The following TRIM16 variants were observed in gnomAD, a reference collection of about 807,000 sequenced individuals.
TRIM16 encodes the protein tripartite motif containing 16.
Under a neutral mutation model 50.4 loss-of-function variants are expected in TRIM16, and 33 were observed. The ratio of observed to expected loss-of-function variants is 0.65; its 90% CI spans 0.50 to 0.88. TRIM16 has a LOEUF of 0.88. Among genes scored for constraint, TRIM16 ranks in the 40% least tolerant of loss-of-function variants. TRIM16 has a pLI of 0.00. For missense variants in TRIM16, 581 were observed against 686.8 expected (o/e 0.85, Z 1.72); for synonymous variants, 229 against 270.7 (o/e 0.85, Z 1.51).
At chr17:15,664,307 A>G (rs144234330) in intron 6 of TRIM16, among the ~76,000 whole-genome samples, 9 of 152,326 alleles carry the variant, frequency 5.9e-5, no homozygotes, top group Admixed American at 3.3e-4. Context: ...AAGCTGAAAA[A>G]GTATGAATCT....
intron 6 of TRIM16, among the ~76,000 whole-genome samples, chr17:15,659,376 TA>T (rs1988119083): frequency 6.6e-6 from 1 of 152,140 alleles, no homozygotes; most frequent in Admixed American, 6.5e-5. Context: ...GGGCCAGAAT[TA>T]GCAGCTAGAC....
chr17:15,679,963 A>G (rs1989117479), intron 4 of TRIM16, among the ~76,000 whole-genome samples: 1 of 151,874 alleles, frequency 6.6e-6, no homozygotes, highest in South Asian at 2.1e-4. Context: ...AAAAAAAGAA[A>G]TAAGCCAAGC....
Position 15,628,610 on chromosome 17 carries a change from G to A in TRIM16, c.*5C>T, listed in dbSNP as rs1269100339. The A allele has an allele frequency of 6.3e-6, 10 of 1,590,292 alleles. No individual in the cohort carries two copies. The highest frequency in any genetic ancestry group is 7.7e-6 in the Non-Finnish European group (9 of 1,165,818). On this transcript the variant is annotated 3_prime_UTR_variant, in exon 12 of 12. Transcript: ENST00000649191. ...GGCAAAGGTCTGGGATATGGCTCCT[G>A]GAGTCTAGGGAGCAGTCCCCACCAA...
At chr17:15,654,508 C>A (rs1022035837) in intron 6 of TRIM16, 1 of 152,142 alleles carries the variant, frequency 6.6e-6, no homozygotes, top group Non-Finnish European at 1.5e-5. Flanking sequence ...CCCAATTCCC[C>A]CTGAGGAAGA....
intron 6 of TRIM16, among the ~76,000 whole-genome samples, chr17:15,652,896 T>A (rs181455195): frequency 3.9e-5 from 6 of 152,294 alleles, no homozygotes; most frequent in Admixed American, 3.9e-4. Flanking sequence ...CTTGTCTCCT[T>A]CCACAGAATG....
At chr17:15,652,150 C>CT (rs200450452) in intron 6 of TRIM16, 30,380 of 149,328 alleles carry the variant, frequency 0.2, 3,091 homozygotes, top group East Asian at 0.31. Context: ...CTTTTCTTTT[C>CT]TTTTTTTTTT....
At chr17:15,673,044 T>C (rs1597668461) in intron 6 of TRIM16, among the ~76,000 whole-genome samples, 1 of 152,214 alleles carries the variant, frequency 6.6e-6, no homozygotes, top group East Asian at 1.9e-4. Flanking sequence ...TCTTCAGTCT[T>C]TAGTTCTAAA....
chr17:15,633,540 CTT>C lies in TRIM16; in HGVS notation c.850-868_850-867del, dbSNP rs555202357. ...ATCTTTTGCCAAAATAAATAAATAT[CTT>C]TTTTTTTTTTTTTTTGAGACATAGT... On this transcript the variant is annotated intron_variant, in intron 9 of 11. Coordinates refer to ENST00000649191, the MANE Select transcript of TRIM16 (RefSeq NM_001348119.1). 4.8e-3 allele frequency among the ~76,000 whole-genome samples: 613 copies of C among 128,620 alleles called. 16 individuals carry two copies. Among genetic ancestry groups the C allele is most frequent in the Middle Eastern group, 0.031 (8 of 254 alleles). 84.4% of individuals were successfully genotyped at this position (128,620 alleles called of 152,430 possible).
rs1988986181 is a variant in TRIM16, at chr17:15,677,158, T to G, written c.-338+18A>C. 1 of 984,962 alleles carries G rather than the reference T, an allele frequency of 1.0e-6. No individual in the cohort carries two copies. The highest frequency in any genetic ancestry group is 1.8e-5 in the African/African-American group (1 of 57,108). The allele number at this position is 984,962 out of a possible 1,614,324, so 61.0% of individuals were successfully genotyped here. On this transcript the variant is annotated intron_variant, in intron 6 of 11. Transcript: ENST00000649191. ...AACTCTTATTTCTAAAGATGCAATCTGCCTTGTTCTCACTTACGTGTACCG... is the reference window on the plus strand; with the variant it reads ...AACTCTTATTTCTAAAGATGCAATCGGCCTTGTTCTCACTTACGTGTACCG...
intron 11 of TRIM16, among the ~76,000 whole-genome samples, chr17:15,629,632 A>G (rs1220951719): frequency 6.6e-6 from 1 of 152,278 alleles, no homozygotes; most frequent in Non-Finnish European, 1.5e-5. Context: ...TTAAAAATGA[A>G]TGAATGGATC....
chr17:15,675,667 A>C (rs1401179925), intron 6 of TRIM16: 1 of 181,866 alleles, frequency 5.5e-6, no homozygotes, highest in Non-Finnish European at 1.3e-5. Flanking sequence ...AGTGTGGGAA[A>C]GCCTTCAGTA....
intron 1 of TRIM16, 182 bp downstream of exon 1, chr17:15,684,014 A>T (rs1022395920): frequency 5.3e-5 from 8 of 152,078 alleles, no homozygotes; most frequent in Admixed American, 2.0e-4. Context: ...AAACACACAT[A>T]CACCCCACTC....
At chr17:15,665,762 C>T (rs1187393207) in intron 6 of TRIM16, among the ~76,000 whole-genome samples, 1 of 151,794 alleles carries the variant, frequency 6.6e-6, no homozygotes, top group Non-Finnish European at 1.5e-5. Context: ...CATTCCTACG[C>T]CTTCAGTTAC....
chr17:15,663,005 G>A (rs533314521), intron 6 of TRIM16, among the ~76,000 whole-genome samples: 8 of 152,124 alleles, frequency 5.3e-5, no homozygotes, highest in African/African-American at 1.4e-4. Context: ...TTGGGCTGGT[G>A]GTGAAGAAGC....
At chr17:15,669,568 C>T (rs1988639061) in intron 6 of TRIM16, among the ~76,000 whole-genome samples, 1 of 151,624 alleles carries the variant, frequency 6.6e-6, no homozygotes, top group Admixed American at 6.6e-5. Flanking sequence ...TTTACTTATA[C>T]ACTTCTACAG....
chr17:15,636,745 T>C (rs1986768416), intron 8 of TRIM16, among the ~76,000 whole-genome samples: 1 of 148,068 alleles, frequency 6.8e-6, no homozygotes, highest in Admixed American at 6.7e-5. Context: ...AAGATGATAC[T>C]GTCTCTACCA....
intron 3 of TRIM16, 108 bp from the exon 4 acceptor site, chr17:15,681,061 C>T: frequency 2.7e-6 from 3 of 1,092,964 alleles, no homozygotes; most frequent in Admixed American, 3.1e-5. Flanking sequence ...CTTGGCTGTC[C>T]ATAGCTTGAA....
In TRIM16 at chr17:15,628,798, C is replaced by T; in HGVS notation, c.1512G>A (p.Gly504=). 1.9e-6 allele frequency: 3 copies of T among 1,614,176 alleles called. No homozygotes were observed. Among genetic ancestry groups the T allele is most frequent in the Non-Finnish European group, 2.5e-6 (3 of 1,180,040 alleles). Reference sequence around the variant, plus strand: ...ACTCTACGCCATAGAAGGAAAGGATCCCTCCCGGGAAGTCGATATAGACCC... The same window carrying T: ...ACTCTACGCCATAGAAGGAAAGGATTCCTCCCGGGAAGTCGATATAGACCC... ...RLGVYIDFPG[G]ILSFYGVEYD... Residue 504 remains glycine, a synonymous_variant, in exon 12 of 12, where the codon GGG becomes GGA. Transcript: ENST00000649191.
chr17:15,652,047 T>A, intron 6 of TRIM16, 101 bp from the exon 7 acceptor site: 2 of 959,956 alleles, frequency 2.1e-6, no homozygotes, highest in Non-Finnish European at 2.5e-6. Context: ...TAAAGAGAAG[T>A]AAAATGTAAG....
Sources: allele counts gnomAD v4.1 joint callset (sites outside exome capture counted in the v4.1 genomes callset), GRCh38; gene constraint gnomAD v4.1.1; transcripts MANE v1.5; gene names NCBI Gene and HGNC (gene_info 2026-07-23, HGNC 2026-07-21).